Variants in PLXNA2 observed in about 807,000 individuals in gnomAD.
PLXNA2 encodes the protein plexin A2.
In PLXNA2, 91 loss-of-function variants were observed where a neutral mutation model predicts 193.5. The observed-to-expected ratio is 0.47, with a 90% CI of 0.40 to 0.56. The LOEUF is 0.56. Ranked by LOEUF, PLXNA2 falls within the 20% of genes least tolerant of loss-of-function variation. PLXNA2 has a pLI of 0.00. For missense variants in PLXNA2, 1,995 were observed against 2,503.2 expected (o/e 0.80, Z 4.33); for synonymous variants, 997 against 1,027.3 (o/e 0.97, Z 0.56).
intron 3 of PLXNA2, among the ~76,000 whole-genome samples, chr1:208,167,561 T>A (rs1192139648): frequency 6.6e-6 from 1 of 151,972 alleles, no homozygotes; most frequent in African/African-American, 2.4e-5. Flanking sequence ...GAAATTGAGG[T>A]CCATATGCCC....
intron 4 of PLXNA2, among the ~76,000 whole-genome samples, chr1:208,128,690 T>C (rs12725737): frequency 3.2e-4 from 28 of 88,108 alleles, no homozygotes; most frequent in African/African-American, 1.2e-3. Flanking sequence ...GTTTCCTGTT[T>C]CTTTCTTTTT....
At position 208,210,286 on chromosome 1, in the gene PLXNA2, C is replaced by A. The variant is rs749322498; in HGVS notation, c.1365G>T (p.Leu455=). 1.3e-5 allele frequency: 21 copies of A among 1,613,818 alleles called. No individual in the cohort carries two copies. The highest frequency in any genetic ancestry group is 1.7e-5 in the Non-Finnish European group (20 of 1,179,978). ...VVFVGTKSGK[L]KKIRADGPPH... ...TGAACTCATAGACTCTTACCTTTTT[C>A]AGCTTGCCACTCTTAGTCCCCACAA... The change falls in exon 3 of 32, where the codon CTG becomes CTT. Residue 455 remains leucine (L), a synonymous_variant. Coordinates refer to ENST00000367033, the MANE Select transcript of PLXNA2 (RefSeq NM_025179.4).
chr1:208,103,442 CTGAG>C (rs1366056520), intron 4 of PLXNA2, among the ~76,000 whole-genome samples, 195 bp from the exon 5 acceptor site: 3 of 152,238 alleles, frequency 2.0e-5, no homozygotes, highest in Non-Finnish European at 4.4e-5. Flanking sequence ...GAGTGTGTCT[CTGAG>C]TGGCAGCCCT....
In PLXNA2 at chr1:208,217,998, T is replaced by A; in HGVS notation, c.-76A>T. On this transcript the variant is annotated 5_prime_UTR_variant, in exon 2 of 32. It removes an upstream start codon present in the reference 5' UTR. Transcript: ENST00000367033. The surrounding 1 kb of genome is among the most constrained non-coding windows in gnomAD (Gnocchi z 4.7). ...CCACCTTCCCCGGTTGGCCCTCACATGATTCTGCAAAACACAAGGCAGAGT... is the reference window on the plus strand; with the variant it reads ...CCACCTTCCCCGGTTGGCCCTCACAAGATTCTGCAAAACACAAGGCAGAGT... 6.4e-7 allele frequency: 1 copy of A among 1,562,564 alleles called. No homozygotes were observed.
chr1:208,239,906 GGCA>G (rs1671991126), intron 1 of PLXNA2, among the ~76,000 whole-genome samples: 4 of 152,206 alleles, frequency 2.6e-5, no homozygotes, highest in Non-Finnish European at 4.4e-5. Flanking sequence ...CTGGGGCTGT[GGCA>G]GGACAGTGGA....
At chr1:208,060,553 T>G (rs1465294443) in intron 13 of PLXNA2, 133 bp downstream of exon 13, 2 of 877,974 alleles carry the variant, frequency 2.3e-6, no homozygotes, top group Non-Finnish European at 3.4e-6. Flanking sequence ...TGGGGAGGCT[T>G]CTGGGGCAGG....
chr1:208,096,202 T>C, intron 7 of PLXNA2, 77 bp from the exon 8 acceptor site: 1 of 1,121,760 alleles, frequency 8.9e-7, no homozygotes, highest in African/African-American at 1.5e-5. Flanking sequence ...AAATAAAATG[T>C]AAGTCATGAA....
chr1:208,222,346 C>G (rs1402678753), intron 1 of PLXNA2, among the ~76,000 whole-genome samples: 1 of 152,224 alleles, frequency 6.6e-6, no homozygotes, highest in African/African-American at 2.4e-5. Context: ...AGTCTCTGTT[C>G]TACCAGTTTC....
At chr1:208,061,148 T>C (rs2102350107) in intron 12 of PLXNA2, among the ~76,000 whole-genome samples, 1 of 152,338 alleles carries the variant, frequency 6.6e-6, no homozygotes, top group South Asian at 2.1e-4. Context: ...TCTAATTCAC[T>C]AGTTGCCTGA....
At chr1:208,077,742 T>C (rs1666207013) in intron 12 of PLXNA2, among the ~76,000 whole-genome samples, 1 of 152,158 alleles carries the variant, frequency 6.6e-6, no homozygotes, top group Non-Finnish European at 1.5e-5. Context: ...GCAAACATTC[T>C]CTTCCAGAGA....
At chr1:208,103,614 C>T (rs1248014586) in intron 4 of PLXNA2, among the ~76,000 whole-genome samples, 2 of 152,228 alleles carry the variant, frequency 1.3e-5, no homozygotes. Flanking sequence ...CTCTGAAGAG[C>T]TTTCAGCTGG....
chr1:208,059,566 C>T (rs992353497), intron 13 of PLXNA2, among the ~76,000 whole-genome samples: 1 of 152,202 alleles, frequency 6.6e-6, no homozygotes, highest in East Asian at 1.9e-4. Flanking sequence ...GTCCAGGAGT[C>T]GTGCCCCATC....
At chr1:208,033,564 T>C (rs1431401698) in intron 27 of PLXNA2, 55 bp from the exon 28 acceptor site, 3 of 1,439,374 alleles carry the variant, frequency 2.1e-6, no homozygotes, top group South Asian at 1.4e-5. Context: ...GCCTTGCTTG[T>C]AGAATCCTTC....
intron 3 of PLXNA2, among the ~76,000 whole-genome samples, chr1:208,172,930 G>A (rs541090634): frequency 6.8e-4 from 104 of 152,296 alleles, no homozygotes; most frequent in Middle Eastern, 3.4e-3. Flanking sequence ...AAGAGCCCAG[G>A]CCTGAGAGGG....
chr1:208,088,341 A>T (rs1425390864), intron 9 of PLXNA2, among the ~76,000 whole-genome samples: 1 of 152,156 alleles, frequency 6.6e-6, no homozygotes, highest in Non-Finnish European at 1.5e-5. Context: ...CTCTGAAGCG[A>T]CTTCTCCCAT....
chr1:208,131,272 A>G (rs1197145852), intron 4 of PLXNA2, among the ~76,000 whole-genome samples: 3 of 152,158 alleles, frequency 2.0e-5, no homozygotes, highest in African/African-American at 4.8e-5. Context: ...CTGAACCTGC[A>G]TCTTCACACT....
At chr1:208,170,127 T>C (rs1027259958) in intron 3 of PLXNA2, among the ~76,000 whole-genome samples, 9 of 152,250 alleles carry the variant, frequency 5.9e-5, no homozygotes, top group African/African-American at 2.2e-4. Context: ...AGGTATATTG[T>C]TCTCAGCATC....
At chr1:208,075,921 G>C (rs994860268) in intron 12 of PLXNA2, among the ~76,000 whole-genome samples, 2 of 151,980 alleles carry the variant, frequency 1.3e-5, no homozygotes, top group Non-Finnish European at 1.5e-5. Flanking sequence ...AGCCAGGCGT[G>C]GTGGTGCATG....
At chr1:208,177,389 ATC>A (rs1669690502) in intron 3 of PLXNA2, among the ~76,000 whole-genome samples, 1 of 152,098 alleles carries the variant, frequency 6.6e-6, no homozygotes, top group Non-Finnish European at 1.5e-5. Context: ...TAACCTTCAA[ATC>A]TCTGTGTCTC....
Sources: allele counts gnomAD v4.1 joint callset (sites outside exome capture counted in the v4.1 genomes callset), GRCh38; gene constraint gnomAD v4.1.1; non-coding constraint Gnocchi (gnomAD v3.1); transcripts MANE v1.5; gene names NCBI Gene and HGNC (gene_info 2026-07-23, HGNC 2026-07-21).